Variants in BMPR1A observed in about 807,000 individuals in gnomAD.
BMPR1A encodes the protein bone morphogenetic protein receptor type 1A, also known as bone morphogenetic protein receptor type-1A.
BMPR1A carries 7 observed loss-of-function variants against 66.0 expected under a neutral mutation model. The ratio of observed to expected loss-of-function variants is 0.11; its 90% CI spans 0.06 to 0.20. The LOEUF (loss-of-function observed/expected upper bound fraction) is 0.20. BMPR1A is among the 10% of genes least tolerant of loss of function. BMPR1A has a pLI of 1.00. For synonymous variants in BMPR1A, 200 were observed against 229.7 expected (o/e 0.87, Z 1.17); for missense variants, 408 against 669.1 (o/e 0.61, Z 4.31).
chr10:86,880,699 CT>C, intron 3 of BMPR1A, among the ~76,000 whole-genome samples: 1 of 152,300 alleles, frequency 6.6e-6, no homozygotes, highest in Middle Eastern at 3.4e-3. Context: ...ATCTGATTGT[CT>C]TTTTTCACTA....
At chr10:86,870,000 T>C (rs560957488) in intron 2 of BMPR1A, among the ~76,000 whole-genome samples, 1 of 152,112 alleles carries the variant, frequency 6.6e-6, no homozygotes, top group Non-Finnish European at 1.5e-5. Flanking sequence ...AAATAAATAC[T>C]GGAGCTGATT....
At chr10:86,787,270 T>C (rs1001483514) in intron 1 of BMPR1A, among the ~76,000 whole-genome samples, 1 of 152,152 alleles carries the variant, frequency 6.6e-6, no homozygotes, top group Middle Eastern at 3.2e-3. Flanking sequence ...AAGAAAGGGG[T>C]CACTAATTAC....
At chr10:86,792,499 T>C (rs958063463) in intron 1 of BMPR1A, among the ~76,000 whole-genome samples, 6 of 152,234 alleles carry the variant, frequency 3.9e-5, no homozygotes, top group Non-Finnish European at 7.3e-5. Context: ...ATGTTTTTCA[T>C]TTAAACATCA....
intron 3 of BMPR1A, among the ~76,000 whole-genome samples, chr10:86,879,248 G>A (rs1842957503): frequency 6.6e-6 from 1 of 152,182 alleles, no homozygotes; most frequent in African/African-American, 2.4e-5. Flanking sequence ...ACAATGCTCA[G>A]TTAAAGAAGA....
chr10:86,809,010 T>C (rs1841929939), intron 1 of BMPR1A, among the ~76,000 whole-genome samples: 1 of 152,230 alleles, frequency 6.6e-6, no homozygotes, highest in Non-Finnish European at 1.5e-5. Context: ...TGAACTCATA[T>C]TGAGTCCTGT....
At chr10:86,797,933 A>G (rs909762851) in intron 1 of BMPR1A, among the ~76,000 whole-genome samples, 3 of 152,102 alleles carry the variant, frequency 2.0e-5, no homozygotes, top group Admixed American at 6.5e-5. Context: ...TAAAAATTAG[A>G]TGTAGGTAAG....
At chr10:86,801,107 G>T (rs568579062) in intron 1 of BMPR1A, among the ~76,000 whole-genome samples, 2 of 152,196 alleles carry the variant, frequency 1.3e-5, no homozygotes, top group Non-Finnish European at 2.9e-5. Context: ...TAGTGAGGCT[G>T]ACATAAGCTT....
intron 1 of BMPR1A, among the ~76,000 whole-genome samples, chr10:86,768,139 C>T (rs1841197303): frequency 6.6e-6 from 1 of 152,174 alleles, no homozygotes; most frequent in Admixed American, 6.5e-5. Context: ...TATCAGACCT[C>T]AATTACTGAA....
At chr10:86,832,077 G>A (rs1396536201) in intron 1 of BMPR1A, among the ~76,000 whole-genome samples, 9 of 152,162 alleles carry the variant, frequency 5.9e-5, no homozygotes, top group Non-Finnish European at 1.5e-5. Flanking sequence ...TGTAGCAGAA[G>A]GTAAGGCAGG....
Position 86,919,161 on chromosome 10 carries a change from C to G in BMPR1A, c.869-11C>G. 1 of 1,613,882 alleles carries G rather than the reference C, an allele frequency of 6.2e-7. No homozygotes were observed. Among genetic ancestry groups the G allele is most frequent in the Non-Finnish European group, 8.5e-7 (1 of 1,179,788 alleles). On this transcript the variant is annotated splice_polypyrimidine_tract_variant and intron_variant, in intron 9 of 12. Transcript: ENST00000372037. ...ATGATAACTAACCTTTTAAACTCATCAACTGGACAGGTTTCATAGCGGCAG... is the reference window on the plus strand; with the variant it reads ...ATGATAACTAACCTTTTAAACTCATGAACTGGACAGGTTTCATAGCGGCAG...
Position 86,899,797 on chromosome 10 carries a change from T to G in BMPR1A, c.337T>G (p.Ser113Ala). The stretch of plus-strand genomic sequence containing the variant: ...TTTATCATTACTCTTCTTTTAGGAT[T>G]CTCCAAAAGCCCAGCTACGCCGGAC... ...YEGSDFQCKD[S>A]PKAQLRRTIE... The change falls in exon 6 of 13, where the codon TCT becomes GCT. Residue 113 changes from serine to alanine, a missense_variant. This residue lies in a region of BMPR1A where 174 missense variants were observed against 265.1 expected (regional missense o/e 0.66). Transcript: ENST00000372037. 1 of 1,613,400 alleles carries G rather than the reference T, an allele frequency of 6.2e-7. No individual in the cohort carries two copies. The highest frequency in any genetic ancestry group is 8.5e-7 in the Non-Finnish European group (1 of 1,179,296).
At chr10:86,803,489 A>G (rs1029453237) in intron 1 of BMPR1A, among the ~76,000 whole-genome samples, 2 of 152,114 alleles carry the variant, frequency 1.3e-5, no homozygotes, top group African/African-American at 4.8e-5. Flanking sequence ...GTTCTTTTAT[A>G]GTTTTACATT....
chr10:86,850,602 CT>C (rs1842553210), intron 2 of BMPR1A, among the ~76,000 whole-genome samples: 1 of 152,084 alleles, frequency 6.6e-6, no homozygotes, highest in Non-Finnish European at 1.5e-5. Context: ...GTCTTTAGAA[CT>C]AGTCCTTTAA....
At chr10:86,784,763 A>C (rs921677696) in intron 1 of BMPR1A, among the ~76,000 whole-genome samples, 1 of 151,896 alleles carries the variant, frequency 6.6e-6, no homozygotes, top group African/African-American at 2.4e-5. Flanking sequence ...TAATTCATCC[A>C]TTTCTTCTAG....
intron 10 of BMPR1A, among the ~76,000 whole-genome samples, chr10:86,920,165 A>C (rs913847847): frequency 3.9e-5 from 6 of 152,240 alleles, no homozygotes; most frequent in African/African-American, 1.4e-4. Flanking sequence ...TATTTTAACC[A>C]TATATTATAT....
chr10:86,903,808 C>T (rs1056597504), intron 7 of BMPR1A, among the ~76,000 whole-genome samples: 1 of 152,048 alleles, frequency 6.6e-6, no homozygotes, highest in East Asian at 1.9e-4. Flanking sequence ...GGGGTTTCAT[C>T]GTGTTAGCCA....
intron 3 of BMPR1A, among the ~76,000 whole-genome samples, chr10:86,885,024 T>C (rs1843051649): frequency 6.6e-6 from 1 of 152,238 alleles, no homozygotes; most frequent in South Asian, 2.1e-4. Context: ...ATTTCTATGC[T>C]TTCTGGCCCT....
At chr10:86,759,280 G>A (rs1840987188) in intron 1 of BMPR1A, among the ~76,000 whole-genome samples, 1 of 152,034 alleles carries the variant, frequency 6.6e-6, no homozygotes, top group African/African-American at 2.4e-5. Context: ...TTTAATATGC[G>A]TTCTCCAAGT....
intron 2 of BMPR1A, among the ~76,000 whole-genome samples, chr10:86,839,885 C>G (rs1232525665): frequency 6.6e-6 from 1 of 151,958 alleles, no homozygotes; most frequent in African/African-American, 2.4e-5. Flanking sequence ...TGGTCTTGAA[C>G]CCCTGGACTC....
Sources: allele counts gnomAD v4.1 joint callset (sites outside exome capture counted in the v4.1 genomes callset), GRCh38; gene constraint gnomAD v4.1.1; regional missense constraint gnomAD v4.1.1; transcripts MANE v1.5; gene names NCBI Gene and HGNC (gene_info 2026-07-23, HGNC 2026-07-21).